RBM39: variants seen among roughly 807,000 people sequenced by gnomAD.
RBM39 encodes RNA-binding protein 39.
A neutral mutation model predicts 79.6 loss-of-function variants in RBM39; 12 were observed. The observed-to-expected ratio is 0.15, with a 90% CI of 0.10 to 0.24. RBM39 has a LOEUF of 0.24. Among genes scored for constraint, RBM39 ranks in the 10% least tolerant of loss-of-function variants. The probability of loss-of-function intolerance (pLI) is 1.00; values close to 1 mark genes in which losing one functional copy is unlikely to be tolerated. For missense variants in RBM39, 243 were observed against 653.4 expected (o/e 0.37, Z 6.85); for synonymous variants, 185 against 208.4 (o/e 0.89, Z 0.97).
rs2039098120 is a variant in RBM39 at position 35,729,217 on chromosome 20, T to G, written c.416+95A>C. 2.4e-5 allele frequency: 27 copies of G among 1,137,586 alleles called. 1 individual carries two copies. In the South Asian group the frequency reaches 4.6e-4, roughly 19 times the overall value. 70.5% of individuals were successfully genotyped at this position (1,137,586 alleles called of 1,614,324 possible). A position where few individuals can be genotyped will look rare whatever the true frequency, so the allele number is the denominator to read the frequency against. ...TGCAAAAGAAAGCAAAAGCAAGATTTAATATGGTCCAAATTACTAAATATC... is the reference window on the plus strand; with the variant it reads ...TGCAAAAGAAAGCAAAAGCAAGATTGAATATGGTCCAAATTACTAAATATC... On this transcript the variant is annotated intron_variant, in intron 6 of 16. Transcript: ENST00000253363.
At chr20:35,715,319 C>T (rs1042590396) in intron 10 of RBM39, among the ~76,000 whole-genome samples, 15 of 152,070 alleles carry the variant, frequency 9.9e-5, no homozygotes, top group African/African-American at 3.6e-4. Context: ...GGATTATAGG[C>T]GCCCGCCACC....
At chr20:35,714,715 C>T (rs2036885225) in intron 10 of RBM39, among the ~76,000 whole-genome samples, 1 of 152,064 alleles carries the variant, frequency 6.6e-6, no homozygotes, top group South Asian at 2.1e-4. Flanking sequence ...CTTGGAGAGG[C>T]CGAGGCAGGC....
At chr20:35,705,439 G>A in intron 14 of RBM39, 109 bp from the exon 15 acceptor site, 1 of 657,522 alleles carries the variant, frequency 1.5e-6, no homozygotes, top group Non-Finnish European at 2.5e-6. Context: ...AAATACTTTG[G>A]AAAAAAAGCA....
chr20:35,707,394 T>A, intron 13 of RBM39, 193 bp from the exon 14 acceptor site: 1 of 382,998 alleles, frequency 2.6e-6, no homozygotes, highest in South Asian at 4.8e-5. Context: ...TGAGGTAACC[T>A]AATACTTGAA....
chr20:35,707,003 GACA>G (rs2035815643), intron 14 of RBM39, 114 bp downstream of exon 14: 1 of 440,328 alleles, frequency 2.3e-6, no homozygotes, highest in Non-Finnish European at 3.4e-6. Flanking sequence ...CTCCAGCCTA[GACA>G]ACAAGAGCGA....
chr20:35,731,878 A>T, intron 4 of RBM39, 63 bp downstream of exon 4: 1 of 1,397,966 alleles, frequency 7.2e-7, no homozygotes, highest in Non-Finnish European at 1.0e-6. Flanking sequence ...CACTCAAGTT[A>T]AACTGCCATC....
At chr20:35,714,563 A>T (rs2036864300) in intron 10 of RBM39, among the ~76,000 whole-genome samples, 174 bp from the exon 11 acceptor site, 1 of 152,220 alleles carries the variant, frequency 6.6e-6, no homozygotes, top group Non-Finnish European at 1.5e-5. Flanking sequence ...ACGCTAGCTA[A>T]CGCAAATTAG....
At chr20:35,730,423 T>C (rs917466875) in intron 4 of RBM39, among the ~76,000 whole-genome samples, 1 of 152,190 alleles carries the variant, frequency 6.6e-6, no homozygotes, top group Non-Finnish European at 1.5e-5. Context: ...ACACCATGCC[T>C]ACCTACAACA....
rs762494331 is a variant in RBM39, at chr20:35,714,234, A to G, written c.1047T>C (p.Ile349=). 3.7e-6 allele frequency: 6 copies of G among 1,613,924 alleles called. No individual in the cohort carries two copies. In the Admixed American group the frequency reaches 1.0e-4, roughly 27 times the overall value. Residue 349 remains isoleucine (I), a synonymous_variant, in exon 11 of 17, where the codon ATT becomes ATC. Coordinates refer to ENST00000253363, the MANE Select transcript of RBM39 (RefSeq NM_184234.3). ...GAAGACGACCAGTTGTTCCCAAATC[A>G]ATTCCAGTCCTTTCCAGTTCATCAC... ...LDSDELERTG[I]DLGTTGRLQL...
At chr20:35,731,345 TA>T (rs1203144496) in intron 4 of RBM39, 1 of 152,276 alleles carries the variant, frequency 6.6e-6, no homozygotes, top group Non-Finnish European at 1.5e-5. Context: ...TCTAGTGATC[TA>T]ATCTTCAAAA....
chr20:35,736,033 G>C (rs2039869751), intron 3 of RBM39, among the ~76,000 whole-genome samples: 1 of 152,214 alleles, frequency 6.6e-6, no homozygotes, highest in African/African-American at 2.4e-5. Context: ...CAATGGTACA[G>C]TAACGAAGGT....
chr20:35,741,574 G>A (rs2040538733), intron 1 of RBM39: 1 of 152,264 alleles, frequency 6.6e-6, no homozygotes. Context: ...AGACCCGAAC[G>A]AGAGCGCCTC....
chr20:35,714,539 C>G, intron 10 of RBM39, 150 bp from the exon 11 acceptor site: 1 of 1,173,732 alleles, frequency 8.5e-7, no homozygotes, highest in South Asian at 2.1e-5. Context: ...GCAAACACAA[C>G]ATACATGATG....
In RBM39 at chr20:35,714,230, A is replaced by G; in HGVS notation, c.1051T>C (p.Leu351=). ...SDELERTGID[L]GTTGRLQLMA... is the part of the protein sequence containing the mutation. ...AACTGAAGACGACCAGTTGTTCCCA[A>G]ATCAATTCCAGTCCTTTCCAGTTCA... The change falls in exon 11 of 17, where the codon TTG becomes CTG. Residue 351 remains leucine, a synonymous_variant. Coordinates refer to ENST00000253363, the MANE Select transcript of RBM39 (RefSeq NM_184234.3). 2 of 1,613,860 alleles carry G rather than the reference A, an allele frequency of 1.2e-6. No individual in the cohort carries two copies. Among genetic ancestry groups the G allele is most frequent in the Non-Finnish European group, 1.7e-6 (2 of 1,179,864 alleles).
intron 12 of RBM39, among the ~76,000 whole-genome samples, chr20:35,709,894 T>C (rs577991159): frequency 6.6e-6 from 1 of 152,258 alleles, no homozygotes; most frequent in African/African-American, 2.4e-5. Context: ...GTGTAAAAAT[T>C]TAGCAAGGCA....
chr20:35,713,216 G>T, intron 11 of RBM39, 120 bp from the exon 12 acceptor site: 4 of 762,948 alleles, frequency 5.2e-6, no homozygotes, highest in South Asian at 4.0e-5. Flanking sequence ...GAGTGTGGTG[G>T]TTGACGCCTG....
intron 2 of RBM39, chr20:35,739,313 G>T (rs1160286241): frequency 4.3e-6 from 2 of 460,036 alleles, no homozygotes; most frequent in Non-Finnish European, 8.5e-6. Context: ...CAATGTTGAA[G>T]TGGTTAAATA....
intron 6 of RBM39, among the ~76,000 whole-genome samples, chr20:35,726,144 T>G (rs1424817519): frequency 6.6e-6 from 1 of 152,198 alleles, no homozygotes; most frequent in East Asian, 1.9e-4. Flanking sequence ...TTTTCTTTTT[T>G]TGTTTTTGAG....
At chr20:35,714,474 A>G (rs2036854407) in intron 10 of RBM39, 85 bp from the exon 11 acceptor site, 1 of 1,420,982 alleles carries the variant, frequency 7.0e-7, no homozygotes, top group Non-Finnish European at 9.2e-7. Flanking sequence ...TTATATTTTT[A>G]GCATATTCAA....
Sources: gnomAD v4.1 joint callset for allele counts (sites outside exome capture counted in the v4.1 genomes callset) on GRCh38, gnomAD v4.1.1 for gene constraint, MANE v1.5 for transcripts, NCBI Gene and HGNC (gene_info 2026-07-23, HGNC 2026-07-21) for gene names.